The following ZSCAN31 variants were observed in gnomAD, a reference collection of about 807,000 sequenced individuals.
The protein encoded by ZSCAN31 is zinc finger and SCAN domain containing 31.
ZSCAN31 carries 14 observed loss-of-function variants against 22.5 expected under a neutral mutation model. That is an observed-to-expected ratio of 0.62 (90% confidence interval 0.41 to 0.97). ZSCAN31 has a LOEUF of 0.97. Ranked by LOEUF, ZSCAN31 falls within the 50% of genes least tolerant of loss-of-function variation. The pLI is 0.00. For synonymous variants in ZSCAN31, 168 were observed against 169.8 expected (o/e 0.99, Z 0.08); for missense variants, 424 against 483.4 (o/e 0.88, Z 1.15).
chr6:28,350,734 C>T (rs1183880572), intron 2 of ZSCAN31, among the ~76,000 whole-genome samples: 1 of 152,132 alleles, frequency 6.6e-6, no homozygotes, highest in Non-Finnish European at 1.5e-5. Context: ...TGTCATTCAT[C>T]AATTCACTTT....
At position 28,325,999 on chromosome 6, in the gene ZSCAN31, T is replaced by G. The variant is rs1763228032; in HGVS notation, c.*167A>C. 4.5e-6 allele frequency: 3 copies of G among 664,200 alleles called. No individual in the cohort carries two copies. Among genetic ancestry groups the G allele is most frequent in the Non-Finnish European group, 7.7e-6 (3 of 389,866 alleles). 41.1% of individuals were successfully genotyped at this position (664,200 alleles called of 1,614,324 possible). ...GTGGTTCAATGCAATACAAAATAAA[T>G]TTTATAAGAACAGAATAAGCCACTT... On this transcript the variant is annotated 3_prime_UTR_variant, in exon 4 of 4. Transcript: ENST00000344279.
intron 2 of ZSCAN31, among the ~76,000 whole-genome samples, chr6:28,352,372 C>T (rs1428987887): frequency 1.3e-5 from 2 of 152,224 alleles, no homozygotes; most frequent in East Asian, 3.9e-4. Flanking sequence ...CATGCAACAG[C>T]CTCCCAAGTA....
chr6:28,346,160 T>G (rs1278481591), intron 2 of ZSCAN31, among the ~76,000 whole-genome samples: 1 of 152,008 alleles, frequency 6.6e-6, no homozygotes, highest in Non-Finnish European at 1.5e-5. Flanking sequence ...ACAGATTTTT[T>G]TGCCTCCTTT....
intron 2 of ZSCAN31, among the ~76,000 whole-genome samples, chr6:28,344,735 C>T (rs1764564120): frequency 6.6e-6 from 1 of 152,098 alleles, no homozygotes; most frequent in Non-Finnish European, 1.5e-5. Flanking sequence ...GAATGGTACA[C>T]CTAGTTAGGT....
At chr6:28,345,231 G>A (rs959758478) in intron 2 of ZSCAN31, among the ~76,000 whole-genome samples, 17 of 152,036 alleles carry the variant, frequency 1.1e-4, no homozygotes, top group South Asian at 6.2e-4. Context: ...AAAGAGTCAT[G>A]TGGATGGACC....
At chr6:28,354,052 C>A in intron 1 of ZSCAN31, 1 of 424,018 alleles carries the variant, frequency 2.4e-6, no homozygotes, top group Non-Finnish European at 4.8e-6. Context: ...CAGCCCTTCT[C>A]AGCAAACGGC....
At chr6:28,344,059 G>T (rs1203294352) in intron 2 of ZSCAN31, among the ~76,000 whole-genome samples, 1 of 152,098 alleles carries the variant, frequency 6.6e-6, no homozygotes, top group Non-Finnish European at 1.5e-5. Context: ...AATTCTAAGG[G>T]TGTTATATTG....
chr6:28,332,933 G>A (rs1763871380), intron 1 of ZSCAN31, among the ~76,000 whole-genome samples: 1 of 152,200 alleles, frequency 6.6e-6, no homozygotes, highest in Non-Finnish European at 1.5e-5. Context: ...CAAACATTTG[G>A]CATTGGGAGA....
intron 1 of ZSCAN31, chr6:28,332,166 A>ATTACCCTG (rs1763802582): frequency 6.6e-6 from 1 of 152,144 alleles, no homozygotes; most frequent in Non-Finnish European, 1.5e-5. Flanking sequence ...ATGTATATGC[A>ATTACCCTG]TTACCCTGTG....
chr6:28,343,542 C>CTTTTTTTTTTTTTTTTTTTTT (rs34131321), intron 2 of ZSCAN31, among the ~76,000 whole-genome samples: 26 of 105,866 alleles, frequency 2.5e-4, no homozygotes, highest in Non-Finnish European at 3.4e-4. Context: ...TTTTTTCTTT[C>CTTTTTTTTTTTTTTTTTTTTT]TTTTTTTTTT....
intron 1 of ZSCAN31, among the ~76,000 whole-genome samples, chr6:28,334,140 T>C (rs748639931): frequency 3.9e-5 from 6 of 152,184 alleles, no homozygotes; most frequent in Admixed American, 6.5e-5. Flanking sequence ...AGCTAAGAGC[T>C]TGGAATATAG....
intron 1 of ZSCAN31, 133 bp downstream of exon 1, chr6:28,335,949 G>C (rs996742863): frequency 2.0e-5 from 3 of 152,448 alleles, no homozygotes; most frequent in Non-Finnish European, 2.9e-5. Flanking sequence ...CCTACTCCAC[G>C]GGGGCTTCAG....
chr6:28,339,367 G>C (rs1183864667), upstream of ZSCAN31, among the ~76,000 whole-genome samples: 1 of 152,178 alleles, frequency 6.6e-6, no homozygotes, highest in East Asian at 1.9e-4. Flanking sequence ...CTCGATCTCA[G>C]CTCACTGCAA....
rs1763167768 is a variant in ZSCAN31 at position 28,325,000 on chromosome 6, T to C, written c.*1166A>G. 1 of 152,192 alleles carries C rather than the reference T, an allele frequency of 6.6e-6. No homozygotes were observed. Among genetic ancestry groups the C allele is most frequent in the Non-Finnish European group, 1.5e-5 (1 of 68,042 alleles). The allele number at this position is 152,192 out of a possible 1,614,324, so 9.4% of individuals were successfully genotyped here. A position where few individuals can be genotyped will look rare whatever the true frequency, so the allele number is the denominator to read the frequency against. On this transcript the variant is annotated 3_prime_UTR_variant, in exon 4 of 4. Transcript: ENST00000344279. This position sits in a 1 kb window ranked among gnomAD's most constrained non-coding sequence, Gnocchi z 4.8. ...TCTTATGTACCCTATGAGGAAGGTA[T>C]TGGTATCATCCTCTGTTTTACAGGT...
chr6:28,328,955 C>G (rs1218915483), intron 2 of ZSCAN31, among the ~76,000 whole-genome samples: 1 of 152,170 alleles, frequency 6.6e-6, no homozygotes, highest in Non-Finnish European at 1.5e-5. Flanking sequence ...TCCTTTCTCT[C>G]TCTTTCTCTC....
In ZSCAN31 at chr6:28,336,068, G is replaced by C. The variant is rs2281041; in HGVS notation, c.-96+14C>G. The C allele has an allele frequency of 0.099, 15,144 of 152,394 alleles. 1,114 individuals carry two copies. Among genetic ancestry groups the C allele is most frequent in the East Asian group, 0.31 (1,607 of 5,166 alleles). The allele number at this position is 152,394 out of a possible 1,614,324, so 9.4% of individuals were successfully genotyped here. ...TGGGAACCTGGCGGGTCGCGACAAGGGGCCAAGACTCACCTTCGGGGCACC... is the reference window on the plus strand; with the variant it reads ...TGGGAACCTGGCGGGTCGCGACAAGCGGCCAAGACTCACCTTCGGGGCACC... On this transcript the variant is annotated intron_variant, in intron 1 of 3. Coordinates refer to ENST00000344279, the MANE Select transcript of ZSCAN31 (RefSeq NM_030899.5).
intron 2 of ZSCAN31, among the ~76,000 whole-genome samples, chr6:28,328,339 G>T (rs1009259314): frequency 6.6e-6 from 1 of 152,212 alleles, no homozygotes; most frequent in African/African-American, 2.4e-5. Flanking sequence ...TTTCACCCCA[G>T]CAGTCTCAAC....
intron 2 of ZSCAN31, among the ~76,000 whole-genome samples, chr6:28,344,513 T>C (rs1279191615): frequency 6.6e-6 from 1 of 152,206 alleles, no homozygotes; most frequent in Non-Finnish European, 1.5e-5. Flanking sequence ...AGCTCATCCC[T>C]GTGACTATCT....
chr6:28,340,504 TGAA>T (rs1384368223), upstream of ZSCAN31, among the ~76,000 whole-genome samples: 4 of 152,364 alleles, frequency 2.6e-5, no homozygotes, highest in Non-Finnish European at 5.9e-5. Flanking sequence ...TGCTGCCATG[TGAA>T]GAAGAACATG....
Sources: allele counts gnomAD v4.1 joint callset (sites outside exome capture counted in the v4.1 genomes callset), GRCh38; gene constraint gnomAD v4.1.1; non-coding constraint Gnocchi (gnomAD v3.1); transcripts MANE v1.5; gene names NCBI Gene and HGNC (gene_info 2026-07-23, HGNC 2026-07-21).